Variants in EIPR1 observed in about 807,000 individuals in gnomAD.
EIPR1 encodes EARP and GARP complex-interacting protein 1.
A neutral mutation model predicts 48.1 loss-of-function variants in EIPR1; 25 were observed. The observed-to-expected ratio is 0.52, with a 90% CI of 0.38 to 0.73. The LOEUF (loss-of-function observed/expected upper bound fraction) is 0.73, where lower values mean the gene tolerates loss of function less well. Among genes scored for constraint, EIPR1 ranks in the 30% least tolerant of loss-of-function variants. The pLI, the probability that EIPR1 is intolerant of heterozygous loss-of-function variation, is 0.00. For missense variants in EIPR1, 415 were observed against 506.2 expected, an observed-to-expected ratio of 0.82 and a Z score of 1.73; for synonymous variants, 204 against 201.9, an observed-to-expected ratio of 1.01 and a Z score of -0.09.
chr2:3,358,808 G>A (rs368568892), intron 1 of EIPR1, among the ~76,000 whole-genome samples: 6 of 152,290 alleles, frequency 3.9e-5, no homozygotes, highest in South Asian at 2.1e-4. Context: ...AGAGAACACC[G>A]GGACAGGTCC....
At chr2:3,333,949 C>T (rs562397536) in intron 3 of EIPR1, among the ~76,000 whole-genome samples, 11 of 152,202 alleles carry the variant, frequency 7.2e-5, no homozygotes, top group East Asian at 3.9e-4. Flanking sequence ...GCAGGGTGTG[C>T]GCCGAAAGGT....
At chr2:3,299,620 T>TCACA (rs1327026136) in intron 3 of EIPR1, among the ~76,000 whole-genome samples, 99 of 121,410 alleles carry the variant, frequency 8.2e-4, no homozygotes, top group East Asian at 3.1e-3. Context: ...TCTCTCTCTC[T>TCACA]CTCTCACACA....
intron 5 of EIPR1, among the ~76,000 whole-genome samples, chr2:3,211,285 C>CTT (rs67751198): frequency 6.6e-6 from 1 of 151,686 alleles, no homozygotes; most frequent in Non-Finnish European, 1.5e-5. Context: ...CGAAACAAGC[C>CTT]TCTTTCCTCT....
At chr2:3,348,301 A>G (rs1395479687) in intron 2 of EIPR1, among the ~76,000 whole-genome samples, 3 of 152,180 alleles carry the variant, frequency 2.0e-5, no homozygotes, top group African/African-American at 7.2e-5. Context: ...AGAAGAGGCA[A>G]AGCCGGTCCT....
intron 5 of EIPR1, among the ~76,000 whole-genome samples, chr2:3,211,847 C>T (rs750076403): frequency 6.6e-6 from 1 of 152,232 alleles, no homozygotes; most frequent in Non-Finnish European, 1.5e-5. Flanking sequence ...CTGGGAAAGG[C>T]GAAGATGAAT....
Position 3,192,585 on chromosome 2 carries a change from C to A in EIPR1, c.822-4G>T, listed in dbSNP as rs753993767. ...GTTGTAGCGGACGTTCCACACCCTG[C>A]AAAGGGCAAGGCAGCTGCTGAAATG... On this transcript the variant is annotated splice_polypyrimidine_tract_variant and splice_region_variant and intron_variant, in intron 7 of 8. Coordinates refer to ENST00000382125, the MANE Select transcript of EIPR1 (RefSeq NM_003310.5). The A allele has an allele frequency of 1.4e-5, 22 of 1,610,000 alleles. No individual in the cohort carries two copies. The highest frequency in any genetic ancestry group is 2.2e-5 in the East Asian group (1 of 44,710).
chr2:3,231,947 G>A (rs1666256373), intron 4 of EIPR1, among the ~76,000 whole-genome samples: 1 of 152,240 alleles, frequency 6.6e-6, no homozygotes, highest in South Asian at 2.1e-4. Flanking sequence ...GAATTCAGCA[G>A]TGAAGTCATC....
chr2:3,233,363 C>A (rs1461249543), intron 4 of EIPR1, among the ~76,000 whole-genome samples: 1 of 152,178 alleles, frequency 6.6e-6, no homozygotes, highest in Non-Finnish European at 1.5e-5. Context: ...CAATTTTTCA[C>A]ACAATTGATT....
chr2:3,235,160 C>T (rs1450704278), intron 4 of EIPR1, among the ~76,000 whole-genome samples: 2 of 152,180 alleles, frequency 1.3e-5, no homozygotes, highest in African/African-American at 2.4e-5. Flanking sequence ...AAAATGACAA[C>T]CTCTGATGGC....
In EIPR1 at chr2:3,189,268, C is replaced by A; in HGVS notation, c.*66G>T. 7.0e-7 allele frequency: 1 copy of A among 1,429,244 alleles called. No individual in the cohort carries two copies. 88.5% of individuals were successfully genotyped at this position (1,429,244 alleles called of 1,614,324 possible). On this transcript the variant is annotated 3_prime_UTR_variant, in exon 9 of 9. Transcript: ENST00000382125. This position sits in a 1 kb window ranked among gnomAD's most constrained non-coding sequence, Gnocchi z 4.6. ...AACACGAGTCACCTCCAAAGAGCTG[C>A]GACTGTTTGAGAATCTGCCAAGAGG...
intron 4 of EIPR1, among the ~76,000 whole-genome samples, chr2:3,216,052 T>C (rs1665619505): frequency 6.6e-6 from 1 of 152,144 alleles, no homozygotes; most frequent in South Asian, 2.1e-4. Flanking sequence ...ACTCTAATGG[T>C]GAAGATACTT....
intron 4 of EIPR1, among the ~76,000 whole-genome samples, chr2:3,227,601 G>C (rs948539740): frequency 6.6e-6 from 1 of 152,200 alleles, no homozygotes; most frequent in Non-Finnish European, 1.5e-5. Flanking sequence ...ACAAGAAGTC[G>C]AATGTTAATC....
At chr2:3,321,557 C>A (rs6548150) in intron 3 of EIPR1, among the ~76,000 whole-genome samples, 68,518 of 151,974 alleles carry the variant, frequency 0.45, 16,827 homozygotes, top group East Asian at 0.81. Flanking sequence ...TATTTTCCAG[C>A]GAAAACCCAC....
At chr2:3,365,365 G>T (rs1003045675) in intron 1 of EIPR1, among the ~76,000 whole-genome samples, 19 of 152,272 alleles carry the variant, frequency 1.2e-4, no homozygotes, top group African/African-American at 4.6e-4. Context: ...TCGGCTACTT[G>T]GGAGGCTGAA....
At position 3,214,353 on chromosome 2, in the gene EIPR1, C is replaced by T. The variant is rs1558227763; in HGVS notation, c.417-105G>A. 1.1e-5 allele frequency: 11 copies of T among 1,025,144 alleles called. 1 individual carries two copies. The highest frequency in any genetic ancestry group is 5.9e-5 in the South Asian group (4 of 67,398). 63.5% of individuals were successfully genotyped at this position (1,025,144 alleles called of 1,614,324 possible). On this transcript the variant is annotated intron_variant, in intron 4 of 8. Transcript: ENST00000382125. Reference sequence around the variant, plus strand: ...TCTTCATGACGCAGGAAATCTTTTCCGGCCTGTAGTCACTAGAGTATTTTT... The same window carrying T: ...TCTTCATGACGCAGGAAATCTTTTCTGGCCTGTAGTCACTAGAGTATTTTT...
At chr2:3,289,245 G>A (rs535382055) in intron 3 of EIPR1, among the ~76,000 whole-genome samples, 4 of 152,026 alleles carry the variant, frequency 2.6e-5, no homozygotes, top group Admixed American at 6.6e-5. Flanking sequence ...CAATCATTTC[G>A]CTGTCTCTCT....
At chr2:3,285,411 C>T (rs938352665) in intron 3 of EIPR1, among the ~76,000 whole-genome samples, 1 of 151,220 alleles carries the variant, frequency 6.6e-6, no homozygotes, top group Non-Finnish European at 1.5e-5. Flanking sequence ...CGAGCGAGCA[C>T]TGGCCACGGC....
chr2:3,305,983 T>C (rs1373964447), intron 3 of EIPR1, among the ~76,000 whole-genome samples: 1 of 152,226 alleles, frequency 6.6e-6, no homozygotes, highest in Non-Finnish European at 1.5e-5. Context: ...GCTTCCCCCC[T>C]TTCTACTGAG....
chr2:3,354,317 C>A (rs1670665839), intron 2 of EIPR1, among the ~76,000 whole-genome samples: 2 of 152,228 alleles, frequency 1.3e-5, no homozygotes, highest in Admixed American at 1.3e-4. Flanking sequence ...AAGAGCCAAA[C>A]AAGACTACGG....
Sources: allele counts gnomAD v4.1 joint callset (sites outside exome capture counted in the v4.1 genomes callset), GRCh38; gene constraint gnomAD v4.1.1; non-coding constraint Gnocchi (gnomAD v3.1); transcripts MANE v1.5; gene names NCBI Gene and HGNC (gene_info 2026-07-23, HGNC 2026-07-21).